The following SLC37A2 variants were observed in gnomAD, a reference collection of about 807,000 sequenced individuals.
SLC37A2 encodes solute carrier family 37 member 2.
A neutral mutation model predicts 70.7 loss-of-function variants in SLC37A2; 59 were observed. The observed-to-expected ratio is 0.83, with a 90% CI of 0.68 to 1.04. The LOEUF (loss-of-function observed/expected upper bound fraction) is 1.04. Among genes scored for constraint, SLC37A2 ranks in the 50% least tolerant of loss-of-function variants. The pLI, the probability that SLC37A2 is intolerant of heterozygous loss-of-function variation, is 0.00. For synonymous variants in SLC37A2, 257 were observed against 262.1 expected, an observed-to-expected ratio of 0.98 and a Z score of 0.19; for missense variants, 580 against 658.1, an observed-to-expected ratio of 0.88 and a Z score of 1.30.
At position 125,086,029 on chromosome 11, in the gene SLC37A2, G is replaced by A. The variant is rs1470648632; in HGVS notation, c.1490+11G>A. On this transcript the variant is annotated intron_variant, in intron 17 of 17. Coordinates refer to ENST00000403796, the MANE Select transcript of SLC37A2 (RefSeq NM_001145290.2). ...GAGCAGAGGCAGCGGGTGAGTCCGG[G>A]GAGCTGAAGCTGCCCCTCTACCAAC... The A allele has an allele frequency of 4.3e-6, 7 of 1,613,328 alleles. No homozygotes were observed. The African/African-American group carries it at 6.7e-5, about 15-fold the overall frequency.
rs149210496 is a variant in SLC37A2 at position 125,081,777 on chromosome 11, C to A, written c.756C>A (p.Asp252Glu). The change falls in exon 9 of 18, where the codon GAC becomes GAA. Residue 252 changes from aspartate to glutamate, a missense_variant. Physicochemically the swap from Asp to Glu is conservative, Grantham distance 45. Coordinates refer to ENST00000403796, the MANE Select transcript of SLC37A2 (RefSeq NM_001145290.2). ...AGGGTGAGCCAGCTGAGAACCAGGA[C>A]AACCCTGAGGACCCTGGGAACAGTC... is the stretch of plus-strand genomic sequence containing the variant. ...QHHGEPAENQ[D>E]NPEDPGNSPC... 3.0e-4 allele frequency: 476 copies of A among 1,607,110 alleles called. No homozygotes were observed. The highest frequency in any genetic ancestry group is 5.7e-5 in the Non-Finnish European group (67 of 1,176,864).
At chr11:125,077,590 T>G (rs1027419261) in intron 4 of SLC37A2, 62 bp downstream of exon 4, 1 of 1,340,204 alleles carries the variant, frequency 7.5e-7, no homozygotes, top group African/African-American at 1.5e-5. Flanking sequence ...TACCTCCCCT[T>G]AAGGAACCTG....
chr11:125,082,690 A>C (rs562275292), intron 10 of SLC37A2, among the ~76,000 whole-genome samples: 1 of 152,148 alleles, frequency 6.6e-6, no homozygotes, highest in African/African-American at 2.4e-5. Flanking sequence ...TGGAGGTGCT[A>C]GGGAAGGCCT....
chr11:125,079,781 G>A (rs753839149), intron 6 of SLC37A2, 21 bp downstream of exon 6: 1 of 1,578,382 alleles, frequency 6.3e-7, no homozygotes, highest in East Asian at 2.2e-5. Context: ...CAAGGGAGGA[G>A]GAGTGGGAAG....
chr11:125,078,109 C>T (rs1438961686), intron 4 of SLC37A2, among the ~76,000 whole-genome samples: 2 of 152,154 alleles, frequency 1.3e-5, no homozygotes, highest in Admixed American at 1.3e-4. Flanking sequence ...TGGTGCCTGA[C>T]CTGATGCAAG....
rs1298130856 is a variant in SLC37A2 at position 125,085,435 on chromosome 11, C to A, written c.1289C>A (p.Ser430Tyr). The A allele has an allele frequency of 2.5e-6, 4 of 1,614,040 alleles. No homozygotes were observed. The Admixed American group carries it at 6.7e-5, about 27-fold the overall frequency. The change falls in exon 15 of 18, where the codon TCC (serine) becomes TAC (tyrosine). Residue 430 changes from serine to tyrosine, a missense_variant. By Grantham distance (144) the Ser-to-Tyr change is moderately radical. Transcript: ENST00000403796. ...KSLKGNAKAL[S>Y]TVTAIIDGTG... ...CTGAAGGGCAACGCCAAAGCCCTGTCCACGGTCACGGCCATCATTGACGGC... is the reference window on the plus strand; with the variant it reads ...CTGAAGGGCAACGCCAAAGCCCTGTACACGGTCACGGCCATCATTGACGGC...
intron 1 of SLC37A2, among the ~76,000 whole-genome samples, chr11:125,074,456 C>T (rs149282768): frequency 3.3e-4 from 50 of 152,064 alleles, no homozygotes; most frequent in East Asian, 2.5e-3. Context: ...TCGCTTCAGC[C>T]GAAGGGAATC....
chr11:125,088,326 A>G lies in SLC37A2; in HGVS notation c.*192A>G. The G allele has an allele frequency of 1.6e-6, 1 of 629,726 alleles. No homozygotes were observed. Among genetic ancestry groups the G allele is most frequent in the Non-Finnish European group, 2.7e-6 (1 of 366,890 alleles). 39.0% of individuals were successfully genotyped at this position (629,726 alleles called of 1,614,324 possible). ...CATGGGAAGGGGACTGCCAAGCATG[A>G]GGAAATAGAAGATTCAGGGGCCTGA... On this transcript the variant is annotated 3_prime_UTR_variant, in exon 18 of 18. Transcript: ENST00000403796.
At position 125,085,611 on chromosome 11, in the gene SLC37A2, C is replaced by G. The variant is rs755427652; in HGVS notation, c.1362C>G (p.Ile454Met). ...AALGPLLAGLISPTGWNNVFY... is the reference protein window; with the variant it reads ...AALGPLLAGLMSPTGWNNVFY... ...TGGGGCCTCTGCTGGCTGGGCTCAT[C>G]TCCCCCACGGGCTGGAACAATGTCT... is the stretch of plus-strand genomic sequence containing the variant. The change falls in exon 16 of 18, where the codon ATC becomes ATG. Residue 454 changes from isoleucine to methionine, a missense_variant. Ile to Met is a conservative substitution (Grantham distance 10). Transcript: ENST00000403796. The G allele has an allele frequency of 1.9e-6, 3 of 1,613,762 alleles. No individual in the cohort carries two copies. The highest frequency in any genetic ancestry group is 2.5e-6 in the Non-Finnish European group (3 of 1,180,034).
rs992544857 is a variant in SLC37A2 at position 125,085,377 on chromosome 11, T to C, written c.1249-18T>C. 3 of 1,611,862 alleles carry C rather than the reference T, an allele frequency of 1.9e-6. No homozygotes were observed. Among genetic ancestry groups the C allele is most frequent in the Non-Finnish European group, 2.5e-6 (3 of 1,178,926 alleles). ...CTGCTGCTCAGCTGGGCTTCCCCAC[T>C]CCACTGTCTCTCTCCAGGGGACTCA... On this transcript the variant is annotated intron_variant, in intron 14 of 17. Coordinates refer to ENST00000403796, the MANE Select transcript of SLC37A2 (RefSeq NM_001145290.2).
At chr11:125,076,909 C>A in intron 2 of SLC37A2, 71 bp downstream of exon 2, 3 of 1,483,964 alleles carry the variant, frequency 2.0e-6, no homozygotes, top group Non-Finnish European at 2.8e-6. Flanking sequence ...CTTCCCATGG[C>A]CACCGAGGTT....
intron 17 of SLC37A2, chr11:125,086,489 G>A (rs7102170): frequency 0.23 from 128,119 of 548,722 alleles, 21,450 homozygotes; most frequent in African/African-American, 0.67. Context: ...GAGAACTTTG[G>A]ACATGCCCTC....
chr11:125,087,986 G>A (rs970082810), intron 17 of SLC37A2, 133 bp from the exon 18 acceptor site: 10 of 927,244 alleles, frequency 1.1e-5, no homozygotes, highest in Non-Finnish European at 1.7e-5. Flanking sequence ...TGAAAGGGAG[G>A]CCTCATTACA....
Position 125,083,364 on chromosome 11 carries a change from C to T in SLC37A2, c.977-451C>T, listed in dbSNP as rs1949170041. On this transcript the variant is annotated intron_variant, in intron 10 of 17. Transcript: ENST00000403796. This position sits in a 1 kb window ranked among gnomAD's most constrained non-coding sequence, Gnocchi z 4.6. The stretch of plus-strand genomic sequence containing the variant: ...TAAAACATGGAGCCAAGGCCTGTGA[C>T]CTGAGGCCCCTGTGTCCCTGCAAGT... 1 of 155,032 alleles carries T rather than the reference C, an allele frequency of 6.5e-6. No individual in the cohort carries two copies. The highest frequency in any genetic ancestry group is 6.4e-5 in the Admixed American group (1 of 15,560). The allele number at this position is 155,032 out of a possible 1,614,324, so 9.6% of individuals were successfully genotyped here.
Position 125,063,442 on chromosome 11 carries a change from GA to G in SLC37A2, c.59+17del. Reference sequence around the variant, plus strand: ...GGGACAGCTGGTGAGCGGGGCAGGGGAGGGAGGCGTGCCGGGACCTCCTGGG... The same window carrying G: ...GGGACAGCTGGTGAGCGGGGCAGGGGGGGAGGCGTGCCGGGACCTCCTGGG... On this transcript the variant is annotated intron_variant, in intron 1 of 17. Transcript: ENST00000403796. The surrounding 1 kb of genome is among the most constrained non-coding windows in gnomAD (Gnocchi z 5.4). 1 of 1,608,166 alleles carries G rather than the reference GA, an allele frequency of 6.2e-7. No individual in the cohort carries two copies. The highest frequency in any genetic ancestry group is 2.2e-5 in the East Asian group (1 of 44,602).
chr11:125,085,549 C>T (rs781700085), intron 15 of SLC37A2, 28 bp from the exon 16 acceptor site: 3 of 1,613,582 alleles, frequency 1.9e-6, no homozygotes, highest in Middle Eastern at 3.3e-4. Flanking sequence ...GTGCAGGACC[C>T]CTGCTCACGA....
At chr11:125,087,866 A>G (rs1786683527) in intron 17 of SLC37A2, 2 of 376,080 alleles carry the variant, frequency 5.3e-6, no homozygotes, top group Non-Finnish European at 4.9e-6. Flanking sequence ...TCCCAACCTC[A>G]GGTGACTCAC....
In SLC37A2 at chr11:125,089,011, G is replaced by T. The variant is rs1160346375; in HGVS notation, c.*877G>T. 1 of 152,266 alleles carries T rather than the reference G, an allele frequency of 6.6e-6. No individual in the cohort carries two copies. The highest frequency in any genetic ancestry group is 1.5e-5 in the Non-Finnish European group (1 of 68,084). The allele number at this position is 152,266 out of a possible 1,614,324, so 9.4% of individuals were successfully genotyped here. Reference sequence around the variant, plus strand: ...AGAAGGACTTACGCCCTGAGCACAGGTGCCAATGGTGACAAGACTGGCAAG... The same window carrying T: ...AGAAGGACTTACGCCCTGAGCACAGTTGCCAATGGTGACAAGACTGGCAAG... On this transcript the variant is annotated 3_prime_UTR_variant, in exon 18 of 18. Coordinates refer to ENST00000403796, the MANE Select transcript of SLC37A2 (RefSeq NM_001145290.2).
Position 125,080,490 on chromosome 11 carries a change from G to A in SLC37A2, c.528-124G>A. 1 of 928,154 alleles carries A rather than the reference G, an allele frequency of 1.1e-6. No homozygotes were observed. The highest frequency in any genetic ancestry group is 3.0e-5 in the South Asian group (1 of 32,994). 57.5% of individuals were successfully genotyped at this position (928,154 alleles called of 1,614,324 possible). A position where few individuals can be genotyped will look rare whatever the true frequency, so the allele number is the denominator to read the frequency against. On this transcript the variant is annotated intron_variant, in intron 6 of 17. Transcript: ENST00000403796. This position sits in a 1 kb window ranked among gnomAD's most constrained non-coding sequence, Gnocchi z 4.3. ...CTTGCTGACTTGGGGCTTTGGGGCT[G>A]TCTTTGGTGCCTCGGGGAAGCTGTA...
Sources: gnomAD v4.1 joint callset for allele counts (sites outside exome capture counted in the v4.1 genomes callset) on GRCh38, gnomAD v4.1.1 for gene constraint, Gnocchi (gnomAD v3.1) non-coding constraint, MANE v1.5 for transcripts, NCBI Gene and HGNC (gene_info 2026-07-23, HGNC 2026-07-21) for gene names.